ROCK1: variants seen among roughly 807,000 people sequenced by gnomAD.
ROCK1 encodes the protein Rho associated coiled-coil containing protein kinase 1, also known as rho-associated protein kinase 1.
ROCK1 carries 36 observed loss-of-function variants against 196.8 expected under a neutral mutation model. That is an observed-to-expected ratio of 0.18 (90% CI 0.14 to 0.24). The LOEUF (loss-of-function observed/expected upper bound fraction) is 0.24, where lower values mean the gene tolerates loss of function less well. ROCK1 is among the 10% of genes least tolerant of loss of function. The pLI, the probability that ROCK1 is intolerant of heterozygous loss-of-function variation, is 1.00. For missense variants in ROCK1, 920 were observed against 1,562.0 expected (o/e 0.59, Z 6.93); for synonymous variants, 443 against 515.9 (o/e 0.86, Z 1.91).
chr18:20,989,703 A>G (rs1193075803), intron 18 of ROCK1, among the ~76,000 whole-genome samples: 1 of 152,124 alleles, frequency 6.6e-6, no homozygotes, highest in Non-Finnish European at 1.5e-5. Context: ...AAAAAGAGAA[A>G]AGAAGTTAAG....
chr18:21,069,570 T>C (rs1431262242), intron 2 of ROCK1, among the ~76,000 whole-genome samples: 3 of 152,064 alleles, frequency 2.0e-5, no homozygotes, highest in African/African-American at 4.8e-5. Flanking sequence ...TTGCTAGCCA[T>C]TACTTTAAAA....
chr18:20,957,654 G>T (rs2035257492), intron 29 of ROCK1, among the ~76,000 whole-genome samples: 1 of 151,826 alleles, frequency 6.6e-6, no homozygotes, highest in Non-Finnish European at 1.5e-5. Context: ...CTAATTTTTT[G>T]TATTTTTAGT....
chr18:21,110,931 G>T lies in ROCK1; in HGVS notation c.-21C>A, dbSNP rs769640666. 3.1e-6 allele frequency: 5 copies of T among 1,592,410 alleles called. No individual in the cohort carries two copies. The East Asian group carries it at 1.1e-4, about 36-fold the overall frequency. On this transcript the variant is annotated 5_prime_UTR_variant, in exon 1 of 33. Coordinates refer to ENST00000399799, the MANE Select transcript of ROCK1 (RefSeq NM_005406.3). ...GACATGTTGCTGCTGCTGTGACAAT[G>T]CCCTCTTACCAGCACCAGCAGCGGA... is the stretch of plus-strand genomic sequence containing the variant.
chr18:21,002,455 T>C (rs556820914), intron 16 of ROCK1, among the ~76,000 whole-genome samples: 2 of 152,174 alleles, frequency 1.3e-5, no homozygotes, highest in African/African-American at 2.4e-5. Context: ...TCACTAATCA[T>C]CTTTGGAGGA....
intron 2 of ROCK1, among the ~76,000 whole-genome samples, chr18:21,062,385 G>GT (rs1344033109): frequency 6.6e-6 from 1 of 152,120 alleles, no homozygotes; most frequent in Non-Finnish European, 1.5e-5. Context: ...AAGTAACAAA[G>GT]TATTAGGTTG....
At chr18:21,075,848 G>C (rs1232285499) in intron 1 of ROCK1, among the ~76,000 whole-genome samples, 2 of 151,676 alleles carry the variant, frequency 1.3e-5, no homozygotes. Context: ...AGCTACTCAG[G>C]AGGCTGAGAC....
intron 16 of ROCK1, among the ~76,000 whole-genome samples, chr18:21,006,071 A>G (rs2143436359): frequency 6.6e-6 from 1 of 152,334 alleles, no homozygotes; most frequent in East Asian, 1.9e-4. Context: ...AGATGAGTGG[A>G]TGAACAAAAT....
chr18:21,036,440 T>C lies in ROCK1; in HGVS notation c.1051+3032A>G, dbSNP rs554422077. Among the ~76,000 whole-genome samples, 5 of 152,306 alleles carry C rather than the reference T, an allele frequency of 3.3e-5. No individual in the cohort carries two copies. The South Asian group carries it at 1.0e-3, about 32-fold the overall frequency. The stretch of plus-strand genomic sequence containing the variant: ...GTTTTGCAAGTTACCACATATTTAA[T>C]GTAGTATTATTAATTTTTCTAAAGA... On this transcript the variant is annotated intron_variant, in intron 9 of 32. Coordinates refer to ENST00000399799, the MANE Select transcript of ROCK1 (RefSeq NM_005406.3).
intron 4 of ROCK1, among the ~76,000 whole-genome samples, chr18:21,048,826 A>G (rs2036182220): frequency 6.6e-6 from 1 of 152,220 alleles, no homozygotes; most frequent in Non-Finnish European, 1.5e-5. Flanking sequence ...TTCAGATAAC[A>G]GGCATGAGCC....
chr18:20,972,751 T>C (rs142197106), intron 22 of ROCK1, among the ~76,000 whole-genome samples: 3 of 152,264 alleles, frequency 2.0e-5, no homozygotes, highest in East Asian at 1.9e-4. Context: ...TCTGTTAGCA[T>C]GATGAATGCA....
At chr18:21,109,734 C>T (rs576861986) in intron 1 of ROCK1, among the ~76,000 whole-genome samples, 1 of 152,160 alleles carries the variant, frequency 6.6e-6, no homozygotes, top group East Asian at 1.9e-4. Flanking sequence ...TTTAGAGTAA[C>T]TGAAATGCAC....
Position 20,948,037 on chromosome 18 carries a change from G to A in ROCK1, c.*3347C>T, listed in dbSNP as rs535070036. ...AGGCAGGAGGATCACTTGAACCTGG[G>A]AGGCGGAGGTTGCAGTGAGCCGAGA... is the stretch of plus-strand genomic sequence containing the variant. On this transcript the variant is annotated 3_prime_UTR_variant, in exon 33 of 33. Coordinates refer to ENST00000399799, the MANE Select transcript of ROCK1 (RefSeq NM_005406.3). 6.6e-6 allele frequency: 1 copy of A among 152,220 alleles called. No individual in the cohort carries two copies. Among genetic ancestry groups the A allele is most frequent in the East Asian group, 1.9e-4 (1 of 5,164 alleles). The allele number at this position is 152,220 out of a possible 1,614,324, so 9.4% of individuals were successfully genotyped here. A position where few individuals can be genotyped will look rare whatever the true frequency, so the allele number is the denominator to read the frequency against.
chr18:20,959,021 T>A (rs1404147873), intron 29 of ROCK1, among the ~76,000 whole-genome samples: 1 of 70,576 alleles, frequency 1.4e-5, no homozygotes, highest in Non-Finnish European at 2.4e-5. Flanking sequence ...ATAATATATA[T>A]AATATATATA....
intron 2 of ROCK1, among the ~76,000 whole-genome samples, chr18:21,054,306 T>C (rs2036228931): frequency 6.6e-6 from 1 of 152,220 alleles, no homozygotes; most frequent in African/African-American, 2.4e-5. Flanking sequence ...TATTCTTTAA[T>C]TATATATTCT....
intron 29 of ROCK1, among the ~76,000 whole-genome samples, chr18:20,959,109 ATATATTATAT>A (rs1568367438): frequency 3.5e-3 from 179 of 51,382 alleles, no homozygotes; most frequent in Non-Finnish European, 5.1e-3. Flanking sequence ...TATATTATAT[ATATATTATAT>A]AATATATATA....
At chr18:21,088,031 T>C (rs1012401756) in intron 1 of ROCK1, among the ~76,000 whole-genome samples, 1 of 152,076 alleles carries the variant, frequency 6.6e-6, no homozygotes, top group Non-Finnish European at 1.5e-5. Context: ...CTCCAAACAC[T>C]TGGAAACTAA....
intron 2 of ROCK1, among the ~76,000 whole-genome samples, chr18:21,066,902 T>C (rs2036339394): frequency 6.6e-6 from 1 of 152,232 alleles, no homozygotes; most frequent in Admixed American, 6.5e-5. Flanking sequence ...ATACAGCTCT[T>C]TGTGCAGACA....
chr18:21,050,100 A>C (rs1346554409), intron 2 of ROCK1, among the ~76,000 whole-genome samples: 1 of 152,152 alleles, frequency 6.6e-6, no homozygotes, highest in African/African-American at 2.4e-5. Flanking sequence ...ACAACTACTA[A>C]AGGTTTTTAT....
At chr18:20,995,009 A>G (rs1438135682) in intron 16 of ROCK1, among the ~76,000 whole-genome samples, 2 of 152,138 alleles carry the variant, frequency 1.3e-5, no homozygotes, top group African/African-American at 4.8e-5. Context: ...ACTAACAATA[A>G]AGAAAAAACT....
Sources: gnomAD v4.1 joint callset for allele counts (sites outside exome capture counted in the v4.1 genomes callset) on GRCh38, gnomAD v4.1.1 for gene constraint, MANE v1.5 for transcripts, NCBI Gene and HGNC (gene_info 2026-07-23, HGNC 2026-07-21) for gene names.